The following APOLD1 variants were observed in gnomAD, a reference collection of about 807,000 sequenced individuals.
APOLD1 encodes apolipoprotein L domain containing 1.
A neutral mutation model predicts 15.3 loss-of-function variants in APOLD1; 22 were observed. The observed-to-expected ratio is 1.44, with a 90% CI of 1.03 to 2.05. The LOEUF is 2.05. APOLD1 is among the 30% of genes most tolerant of loss of function. The pLI, the probability that APOLD1 is intolerant of heterozygous loss-of-function variation, is 0.00. For synonymous variants in APOLD1, 190 were observed against 167.4 expected (o/e 1.13, Z -1.04); for missense variants, 394 against 353.5 (o/e 1.11, Z -0.92).
At chr12:12,727,944 C>G (rs1219072497) in intron 1 of APOLD1, among the ~76,000 whole-genome samples, 1 of 151,454 alleles carries the variant, frequency 6.6e-6, no homozygotes, top group Non-Finnish European at 1.5e-5. Context: ...CTAACACCTA[C>G]TGTTTAATCT....
At chr12:12,764,744 T>C (rs373567090) in intron 1 of APOLD1, 10 of 493,902 alleles carry the variant, frequency 2.0e-5, no homozygotes, top group Non-Finnish European at 3.8e-5. Flanking sequence ...TACACCTTTA[T>C]GTGCATCTCA....
At chr12:12,781,507 A>G (rs1266117642), upstream of APOLD1, among the ~76,000 whole-genome samples, 2 of 150,904 alleles carry the variant, frequency 1.3e-5, no homozygotes, top group East Asian at 1.9e-4. Context: ...AAAGGCCTTG[A>G]GCGTAATTAT....
intron 1 of APOLD1, chr12:12,771,381 A>G (rs1442104724): frequency 3.0e-6 from 1 of 330,408 alleles, no homozygotes. Flanking sequence ...AATGGCTACA[A>G]TAGCCATAAG....
chr12:12,789,868 G>A lies in APOLD1; in HGVS notation c.*2216G>A, dbSNP rs1947168548. ...GTATAATTTCAGTACTGGGGTCGGGGAGAGGAGGTGATGTTTCTACATTTT... is the reference window on the plus strand; with the variant it reads ...GTATAATTTCAGTACTGGGGTCGGGAAGAGGAGGTGATGTTTCTACATTTT... On this transcript the variant is annotated 3_prime_UTR_variant, in exon 2 of 2. Transcript: ENST00000356591. The A allele has an allele frequency of 6.6e-6, 1 of 152,208 alleles. No individual in the cohort carries two copies. The highest frequency in any genetic ancestry group is 1.5e-5 in the Non-Finnish European group (1 of 68,050). 9.4% of individuals were successfully genotyped at this position (152,208 alleles called of 1,614,324 possible).
At chr12:12,759,467 G>A (rs531906814) in intron 1 of APOLD1, among the ~76,000 whole-genome samples, 2 of 152,254 alleles carry the variant, frequency 1.3e-5, no homozygotes, top group Admixed American at 6.5e-5. Context: ...CTTTTGGTAG[G>A]ATGTGATATT....
chr12:12,762,687 T>G (rs1405601248), intron 1 of APOLD1, among the ~76,000 whole-genome samples: 1 of 151,964 alleles, frequency 6.6e-6, no homozygotes, highest in Non-Finnish European at 1.5e-5. Context: ...TCTCTGATAT[T>G]TTGCTGCAGA....
intron 1 of APOLD1, among the ~76,000 whole-genome samples, chr12:12,764,067 G>C (rs1195825543): frequency 1.3e-5 from 2 of 151,960 alleles, no homozygotes; most frequent in Non-Finnish European, 2.9e-5. Context: ...GGTTCAAACA[G>C]TTCTCATGCC....
chr12:12,733,946 C>CA (rs2136369246), intron 1 of APOLD1, among the ~76,000 whole-genome samples: 1 of 152,296 alleles, frequency 6.6e-6, no homozygotes, highest in East Asian at 1.9e-4. Flanking sequence ...ATTTCTTGAA[C>CA]ATGGAATCAG....
intron 1 of APOLD1, among the ~76,000 whole-genome samples, chr12:12,764,086 C>T (rs1946925345): frequency 6.6e-6 from 1 of 152,098 alleles, no homozygotes; most frequent in African/African-American, 2.4e-5. Flanking sequence ...CCTCAGCCTC[C>T]CAAGTAGCTG....
intron 1 of APOLD1, chr12:12,764,705 C>T (rs1478518140): frequency 2.0e-6 from 1 of 506,974 alleles, no homozygotes; most frequent in Non-Finnish European, 4.1e-6. Context: ...ATATACAATA[C>T]AGTAGGAATG....
At chr12:12,736,779 G>A (rs1946690024) in intron 1 of APOLD1, among the ~76,000 whole-genome samples, 1 of 152,122 alleles carries the variant, frequency 6.6e-6, no homozygotes, top group African/African-American at 2.4e-5. Flanking sequence ...AATGTGTAGT[G>A]CTTGGGCCGT....
chr12:12,756,795 CT>C (rs958443763), intron 1 of APOLD1, among the ~76,000 whole-genome samples: 7 of 150,998 alleles, frequency 4.6e-5, no homozygotes, highest in African/African-American at 1.7e-4. Context: ...TGCTTTTTTT[CT>C]TTTTTTTTGA....
At chr12:12,755,887 ATCCT>A (rs1310546922) in intron 1 of APOLD1, among the ~76,000 whole-genome samples, 1 of 152,198 alleles carries the variant, frequency 6.6e-6, no homozygotes, top group Non-Finnish European at 1.5e-5. Context: ...TGCAACGTCA[ATCCT>A]TCCCTGAGTT....
chr12:12,729,055 A>G (rs1946616774), intron 1 of APOLD1, among the ~76,000 whole-genome samples: 1 of 152,130 alleles, frequency 6.6e-6, no homozygotes, highest in Non-Finnish European at 1.5e-5. Context: ...GGACCATAAT[A>G]TAATTACTGT....
At chr12:12,730,073 TGTGTGAGA>T (rs759145029) in intron 1 of APOLD1, among the ~76,000 whole-genome samples, 10 of 43,978 alleles carry the variant, frequency 2.3e-4, no homozygotes, top group Middle Eastern at 0.022. Flanking sequence ...TGTGTGTGTG[TGTGTGAGA>T]GAGAGAGAGA....
intron 1 of APOLD1, among the ~76,000 whole-genome samples, chr12:12,744,906 C>G (rs776301583): frequency 9.9e-5 from 15 of 152,180 alleles, no homozygotes; most frequent in Non-Finnish European, 1.8e-4. Context: ...GTGCCACGAT[C>G]TGCTTTCCCT....
chr12:12,731,144 A>AAAAC (rs989340993), intron 1 of APOLD1, among the ~76,000 whole-genome samples: 6 of 152,188 alleles, frequency 3.9e-5, no homozygotes, highest in Admixed American at 6.5e-5. Flanking sequence ...CCATCTCAAA[A>AAAAC]AAACAAACAA....
chr12:12,755,025 G>A (rs930906792), intron 1 of APOLD1, among the ~76,000 whole-genome samples: 3 of 151,922 alleles, frequency 2.0e-5, no homozygotes, highest in Admixed American at 6.6e-5. Context: ...CAGTCTGGGC[G>A]ACAGAGTGAG....
chr12:12,747,438 C>T (rs1946774636), intron 1 of APOLD1, among the ~76,000 whole-genome samples: 1 of 152,202 alleles, frequency 6.6e-6, no homozygotes, highest in Non-Finnish European at 1.5e-5. Context: ...GCATGCTCAG[C>T]TTATCCTGTC....
Sources: allele counts gnomAD v4.1 joint callset (sites outside exome capture counted in the v4.1 genomes callset), GRCh38; gene constraint gnomAD v4.1.1; transcripts MANE v1.5; gene names NCBI Gene and HGNC (gene_info 2026-07-23, HGNC 2026-07-21).